Variants in HOOK3 observed in about 807,000 individuals in gnomAD.
The protein encoded by HOOK3 is protein Hook homolog 3.
A neutral mutation model predicts 116.3 loss-of-function variants in HOOK3; 24 were observed. The ratio of observed to expected loss-of-function variants is 0.21; its 90% confidence interval spans 0.15 to 0.29. The LOEUF is 0.29. HOOK3 is among the 10% of genes least tolerant of loss of function. The pLI, the probability that HOOK3 is intolerant of heterozygous loss-of-function variation, is 1.00. For synonymous variants in HOOK3, 275 were observed against 283.0 expected, an observed-to-expected ratio of 0.97 and a Z score of 0.28; for missense variants, 632 against 830.2, an observed-to-expected ratio of 0.76 and a Z score of 2.93.
rs1490097199 is a variant in HOOK3, at chr8:43,027,334, C to G, written c.*8836C>G. 1 of 290,280 alleles carries G rather than the reference C, an allele frequency of 3.4e-6. No individual in the cohort carries two copies. The highest frequency in any genetic ancestry group is 2.2e-5 in the African/African-American group (1 of 44,920). The allele number at this position is 290,280 out of a possible 1,614,324, so 18.0% of individuals were successfully genotyped here. ...ATCATAGTTCAAAAATACTGAAATA[C>G]TTGTTTATTATGTTACATAAATATG... is the stretch of plus-strand genomic sequence containing the variant. On this transcript the variant is annotated 3_prime_UTR_variant, in exon 22 of 22. Transcript: ENST00000307602.
Position 43,018,603 on chromosome 8 carries a change from T to A in HOOK3, c.*105T>A. 1 of 1,154,872 alleles carries A rather than the reference T, an allele frequency of 8.7e-7. No homozygotes were observed. Among genetic ancestry groups the A allele is most frequent in the Non-Finnish European group, 1.2e-6 (1 of 845,244 alleles). The allele number at this position is 1,154,872 out of a possible 1,614,324, so 71.5% of individuals were successfully genotyped here. On this transcript the variant is annotated 3_prime_UTR_variant, in exon 22 of 22. Coordinates refer to ENST00000307602, the MANE Select transcript of HOOK3 (RefSeq NM_032410.4). Reference sequence around the variant, plus strand: ...GCCAGCTTATTTTTTGTTTCTCTTCTATGTCAATACTTAGTGTTTCTCATT... The same window carrying A: ...GCCAGCTTATTTTTTGTTTCTCTTCAATGTCAATACTTAGTGTTTCTCATT...
At chr8:42,961,999 C>G (rs1808542284) in intron 8 of HOOK3, among the ~76,000 whole-genome samples, 1 of 152,078 alleles carries the variant, frequency 6.6e-6, no homozygotes, top group Admixed American at 6.5e-5. Context: ...ATTGCCCAGG[C>G]TGGTCTTAAA....
intron 4 of HOOK3, among the ~76,000 whole-genome samples, chr8:42,931,857 C>G (rs1350217280): frequency 1.3e-5 from 2 of 152,070 alleles, no homozygotes; most frequent in Non-Finnish European, 2.9e-5. Flanking sequence ...TGGGTTCACG[C>G]CATTCTCCTG....
rs1457885431 is a variant in HOOK3 at position 42,925,622 on chromosome 8, G to A, written c.209G>A (p.Arg70Lys). The A allele has an allele frequency of 1.3e-6, 2 of 1,586,754 alleles. No homozygotes were observed. The highest frequency in any genetic ancestry group is 1.7e-6 in the Non-Finnish European group (2 of 1,159,276). The change falls in exon 3 of 22, where the codon AGG (arginine) becomes AAG (lysine). Residue 70 changes from arginine to lysine, a missense_variant. Arg to Lys is a conservative substitution (Grantham distance 26). Coordinates refer to ENST00000307602, the MANE Select transcript of HOOK3 (RefSeq NM_032410.4). ...AAAACTGAAGTAGGAGATAATTGGA[G>A]GCTAAAGGTATTTTATTTTTCCACC... ...RIKTEVGDNWRLKISNLKKIL... is the reference protein window; with the variant it reads ...RIKTEVGDNWKLKISNLKKIL...
intron 1 of HOOK3, among the ~76,000 whole-genome samples, chr8:42,905,386 C>T (rs914376213): frequency 7.0e-6 from 1 of 143,486 alleles, no homozygotes; most frequent in African/African-American, 2.6e-5. Flanking sequence ...CTCTGCCTTT[C>T]ACTGCATTGG....
At chr8:42,980,610 C>G (rs1171628189) in intron 13 of HOOK3, among the ~76,000 whole-genome samples, 1 of 152,022 alleles carries the variant, frequency 6.6e-6, no homozygotes, top group African/African-American at 2.4e-5. Flanking sequence ...AAAAGAGGGC[C>G]TGGTGCAGTG....
intron 4 of HOOK3, among the ~76,000 whole-genome samples, chr8:42,939,611 G>T (rs1163739876): frequency 1.4e-5 from 2 of 145,508 alleles, no homozygotes; most frequent in Non-Finnish European, 3.1e-5. Flanking sequence ...CTGGCTGGCC[G>T]GGCGGGGGGC....
chr8:42,903,339 T>A, intron 1 of HOOK3, among the ~76,000 whole-genome samples: 1 of 64,494 alleles, frequency 1.6e-5, no homozygotes, highest in African/African-American at 8.0e-5. Context: ...AATAGTTGTC[T>A]TTTTTTTTTT....
intron 14 of HOOK3, 99 bp downstream of exon 14, chr8:42,982,795 A>C: frequency 3.8e-6 from 3 of 794,224 alleles, no homozygotes; most frequent in African/African-American, 1.7e-5. Context: ...ATTCTTTCTC[A>C]CCGACACTTT....
At chr8:42,969,276 C>G (rs1204158321) in intron 11 of HOOK3, among the ~76,000 whole-genome samples, 2 of 152,326 alleles carry the variant, frequency 1.3e-5, no homozygotes, top group South Asian at 2.1e-4. Flanking sequence ...GTGCTACCAA[C>G]AAGCAGTTTA....
intron 4 of HOOK3, among the ~76,000 whole-genome samples, chr8:42,941,496 C>T (rs1296507641): frequency 9.0e-5 from 11 of 122,060 alleles, no homozygotes; most frequent in South Asian, 2.5e-4. Context: ...CCAGCCTGGG[C>T]GATAGAGCGA....
At chr8:42,927,157 ATT>A (rs1807780914) in intron 3 of HOOK3, among the ~76,000 whole-genome samples, 1 of 150,698 alleles carries the variant, frequency 6.6e-6, no homozygotes. Flanking sequence ...TAAGAAAAGT[ATT>A]TATTTGTTGC....
chr8:42,922,739 A>C (rs1242040013), intron 2 of HOOK3, among the ~76,000 whole-genome samples: 1 of 151,986 alleles, frequency 6.6e-6, no homozygotes, highest in Non-Finnish European at 1.5e-5. Flanking sequence ...TCTCTACTAA[A>C]AAATACAAAA....
At chr8:42,917,866 A>G (rs17622577) in intron 2 of HOOK3, among the ~76,000 whole-genome samples, 7,236 of 152,258 alleles carry the variant, frequency 0.048, 230 homozygotes, top group South Asian at 0.085. Context: ...CTTAGTGTAA[A>G]TTCATTATGG....
At chr8:42,898,702 C>G (rs1807116713) in intron 1 of HOOK3, among the ~76,000 whole-genome samples, 1 of 152,162 alleles carries the variant, frequency 6.6e-6, no homozygotes, top group Non-Finnish European at 1.5e-5. Flanking sequence ...TGTTTAAAAT[C>G]TAGGGAGAAA....
At chr8:42,950,953 G>A (rs1413975912) in intron 6 of HOOK3, among the ~76,000 whole-genome samples, 1 of 152,054 alleles carries the variant, frequency 6.6e-6, no homozygotes, top group African/African-American at 2.4e-5. Flanking sequence ...CCAAAGTGCT[G>A]GGATTACAGG....
At chr8:42,967,298 A>G (rs747795166) in intron 10 of HOOK3, among the ~76,000 whole-genome samples, 2 of 151,960 alleles carry the variant, frequency 1.3e-5, no homozygotes, top group Non-Finnish European at 2.9e-5. Flanking sequence ...CTTAGTCTCA[A>G]TAGATGACCT....
intron 15 of HOOK3, among the ~76,000 whole-genome samples, chr8:42,990,910 A>G (rs1809148312): frequency 6.6e-6 from 1 of 152,024 alleles, no homozygotes; most frequent in African/African-American, 2.4e-5. Flanking sequence ...ACCAATGTCC[A>G]GTTTTGTTTT....
intron 2 of HOOK3, among the ~76,000 whole-genome samples, chr8:42,917,135 A>G (rs11995127): frequency 0.018 from 2,762 of 152,252 alleles, 86 homozygotes; most frequent in African/African-American, 0.064. Flanking sequence ...TATAATTACA[A>G]TCAGTTTTAT....
Sources: gnomAD v4.1 joint callset for allele counts (sites outside exome capture counted in the v4.1 genomes callset) on GRCh38, gnomAD v4.1.1 for gene constraint, MANE v1.5 for transcripts, NCBI Gene and HGNC (gene_info 2026-07-23, HGNC 2026-07-21) for gene names.